SATB2: variants seen among roughly 807,000 people sequenced by gnomAD.
SATB2 encodes DNA-binding protein SATB2.
A neutral mutation model predicts 73.4 loss-of-function variants in SATB2; 1 was observed. The ratio of observed to expected loss-of-function variants is 0.01; its 90% CI spans 0.00 to 0.06. The LOEUF (loss-of-function observed/expected upper bound fraction) is 0.06, where lower values mean the gene tolerates loss of function less well. Ranked by LOEUF, SATB2 falls within the 10% of genes least tolerant of loss-of-function variation. The pLI, the probability that SATB2 is intolerant of heterozygous loss-of-function variation, is 1.00. For missense variants in SATB2, 459 were observed against 945.8 expected (o/e 0.49, Z 6.75); for synonymous variants, 397 against 367.0 (o/e 1.08, Z -0.93).
intron 6 of SATB2, among the ~76,000 whole-genome samples, chr2:199,359,022 C>T (rs1183504344): frequency 6.6e-6 from 1 of 151,982 alleles, no homozygotes; most frequent in Non-Finnish European, 1.5e-5. Flanking sequence ...TTATTTTAAT[C>T]TAAAACTATA....
chr2:199,324,095 T>A (rs1687968474), intron 8 of SATB2, 137 bp from the exon 9 acceptor site: 4 of 876,996 alleles, frequency 4.6e-6, no homozygotes, highest in Non-Finnish European at 7.6e-6. Context: ...TGTCCATTAT[T>A]CTAATCAGGT....
intron 3 of SATB2, among the ~76,000 whole-genome samples, chr2:199,410,195 C>A (rs1054989914): frequency 6.6e-6 from 1 of 152,178 alleles, no homozygotes; most frequent in Admixed American, 6.5e-5. Flanking sequence ...TCTCTCTGCT[C>A]CTCCTCACAG....
At chr2:199,406,999 G>T (rs1282208159) in intron 3 of SATB2, among the ~76,000 whole-genome samples, 2 of 152,050 alleles carry the variant, frequency 1.3e-5, no homozygotes, top group Admixed American at 6.6e-5. Context: ...AAAGTAAGGA[G>T]GGTTCTTATC....
At position 199,285,034 on chromosome 2, in the gene SATB2, C is replaced by A. The variant is rs574968675; in HGVS notation, c.1741-12362G>T. ...ATCTGCAAGAAGTTCTGGAATCAAT[C>A]CCCCGTGGATACAAGGGGATGACTG... On this transcript the variant is annotated intron_variant, in intron 10 of 10. Transcript: ENST00000417098. Among the ~76,000 whole-genome samples the A allele has an allele frequency of 3.3e-5, 5 of 152,178 alleles. No individual in the cohort carries two copies. In the East Asian group the frequency reaches 9.6e-4, roughly 29 times the overall value.
chr2:199,373,592 TG>T (rs1689511019), intron 5 of SATB2, among the ~76,000 whole-genome samples: 1 of 152,180 alleles, frequency 6.6e-6, no homozygotes, highest in Non-Finnish European at 1.5e-5. Context: ...CACCTGTGAT[TG>T]GGGATATTGT....
chr2:199,471,176 A>T (rs1228336607), exon 1 of SATB2: 1 of 152,428 alleles, frequency 6.6e-6, no homozygotes, highest in East Asian at 1.9e-4. Flanking sequence ...ACGCGCAGAT[A>T]CCGGGCAGGG....
chr2:199,336,227 C>G (rs1040054048), intron 7 of SATB2, among the ~76,000 whole-genome samples: 3 of 152,120 alleles, frequency 2.0e-5, no homozygotes, highest in African/African-American at 7.2e-5. Flanking sequence ...AAAGTGAAAG[C>G]AAACAGAACT....
chr2:199,440,437 G>T (rs898537555), intron 2 of SATB2, among the ~76,000 whole-genome samples: 1 of 152,248 alleles, frequency 6.6e-6, no homozygotes, highest in Non-Finnish European at 1.5e-5. Context: ...AATCTCCTCA[G>T]CTAGGTCTTC....
rs538674771 is a variant in SATB2 at position 199,308,303 on chromosome 2, G to A, written c.1740+457C>T. ...CTCTCAAGGTTCAGCTGAGTTCAAT[G>A]GTATTCCCTAGGTCATGTGGCTATT... On this transcript the variant is annotated intron_variant, in intron 10 of 10. Transcript: ENST00000417098. This position sits in a 1 kb window ranked among gnomAD's most constrained non-coding sequence, Gnocchi z 4.6. Among the ~76,000 whole-genome samples the A allele has an allele frequency of 6.6e-6, 1 of 152,096 alleles. No individual in the cohort carries two copies. The highest frequency in any genetic ancestry group is 2.1e-4 in the South Asian group (1 of 4,822).
intron 6 of SATB2, among the ~76,000 whole-genome samples, chr2:199,355,340 G>GTATATA (rs1445800916): frequency 7.2e-5 from 1 of 13,864 alleles, no homozygotes; most frequent in African/African-American, 8.5e-5. Flanking sequence ...GTGTGTGTGT[G>GTATATA]TGTGTATCTA....
At chr2:199,334,547 C>T (rs548260113) in intron 7 of SATB2, among the ~76,000 whole-genome samples, 6 of 151,944 alleles carry the variant, frequency 3.9e-5, no homozygotes, top group African/African-American at 1.5e-4. Context: ...TAACCTATCA[C>T]GTTTCCCTTG....
intron 10 of SATB2, among the ~76,000 whole-genome samples, chr2:199,292,531 T>C (rs971415920): frequency 1.6e-4 from 25 of 152,266 alleles, no homozygotes; most frequent in East Asian, 9.6e-4. Context: ...ATAAGAAAAA[T>C]ATGCAGATAA....
intron 5 of SATB2, 119 bp downstream of exon 5, chr2:199,380,245 C>T: frequency 1.6e-6 from 2 of 1,253,576 alleles, no homozygotes; most frequent in Non-Finnish European, 2.3e-6. Context: ...ACCTCAAATG[C>T]AGTTTAAGTC....
intron 3 of SATB2, among the ~76,000 whole-genome samples, chr2:199,386,606 TTCAC>T (rs1689941049): frequency 1.3e-5 from 2 of 152,124 alleles, no homozygotes; most frequent in Non-Finnish European, 2.9e-5. Context: ...ATTCCCAACA[TTCAC>T]ATTCTATAAG....
At chr2:199,422,201 A>G (rs1036441022) in intron 3 of SATB2, among the ~76,000 whole-genome samples, 1 of 152,156 alleles carries the variant, frequency 6.6e-6, no homozygotes, top group Non-Finnish European at 1.5e-5. Context: ...AAGTATGCAT[A>G]GAACTATAAC....
At chr2:199,435,994 C>A (rs1282015343) in intron 2 of SATB2, among the ~76,000 whole-genome samples, 1 of 152,192 alleles carries the variant, frequency 6.6e-6, no homozygotes, top group African/African-American at 2.4e-5. Context: ...CCATAAGCTA[C>A]TTCACCACTA....
Position 199,350,576 on chromosome 2 carries a change from A to C in SATB2, c.701-1403T>G, listed in dbSNP as rs1397066362. On this transcript the variant is annotated intron_variant, in intron 6 of 10. Transcript: ENST00000417098. Reference sequence around the variant, plus strand: ...AAAAATGTATATGTGGAAATAAATTAATACATTAAAATGTGGGTAGATATT... The same window carrying C: ...AAAAATGTATATGTGGAAATAAATTCATACATTAAAATGTGGGTAGATATT... Among the ~76,000 whole-genome samples the C allele has an allele frequency of 3.9e-5, 6 of 152,338 alleles. No individual in the cohort carries two copies. The East Asian group carries it at 1.2e-3, about 29-fold the overall frequency.
intron 6 of SATB2, among the ~76,000 whole-genome samples, chr2:199,355,105 C>T (rs1202686912): frequency 6.6e-6 from 1 of 150,986 alleles, no homozygotes; most frequent in African/African-American, 2.4e-5. Context: ...AACATAAATC[C>T]CTGATATATA....
chr2:199,390,654 T>A (rs1172507119), intron 3 of SATB2, among the ~76,000 whole-genome samples: 1 of 152,208 alleles, frequency 6.6e-6, no homozygotes, highest in African/African-American at 2.4e-5. Context: ...AGCCAGTGTT[T>A]CTGCATCCTC....
Sources: allele counts gnomAD v4.1 joint callset (sites outside exome capture counted in the v4.1 genomes callset), GRCh38; gene constraint gnomAD v4.1.1; non-coding constraint Gnocchi (gnomAD v3.1); transcripts MANE v1.5; gene names NCBI Gene and HGNC (gene_info 2026-07-23, HGNC 2026-07-21).